SLBP: variants seen among roughly 807,000 people sequenced by gnomAD.
The protein encoded by SLBP is histone RNA hairpin-binding protein.
In SLBP, 29 loss-of-function variants were observed where a neutral mutation model predicts 39.2. The ratio of observed to expected loss-of-function variants is 0.74; its 90% CI spans 0.55 to 1.01. The LOEUF is 1.01. Among genes scored for constraint, SLBP ranks in the 50% least tolerant of loss-of-function variants. The pLI, the probability that SLBP is intolerant of heterozygous loss-of-function variation, is 0.00. For synonymous variants in SLBP, 129 were observed against 118.7 expected (o/e 1.09, Z -0.57); for missense variants, 390 against 350.2 (o/e 1.11, Z -0.91).
Position 1,697,240 on chromosome 4 carries a change from G to A in SLBP, c.480-889C>T, listed in dbSNP as rs544579272. Among the ~76,000 whole-genome samples, 4 of 150,048 alleles carry A rather than the reference G, an allele frequency of 2.7e-5. No individual in the cohort carries two copies. The East Asian group carries it at 5.9e-4, about 22-fold the overall frequency. ...CCCAGCACTTTGGGAGGCTGAGGCA[G>A]GCAGATCACCTGAGATCAGAAGTTC... is the stretch of plus-strand genomic sequence containing the variant. On this transcript the variant is annotated intron_variant, in intron 5 of 7. Transcript: ENST00000489418.
At chr4:1,710,409 T>C (rs751546314) in intron 2 of SLBP, among the ~76,000 whole-genome samples, 3 of 152,210 alleles carry the variant, frequency 2.0e-5, no homozygotes, top group Non-Finnish European at 4.4e-5. Flanking sequence ...CTTGAGTCAT[T>C]CTTGATGCCT....
At chr4:1,698,685 C>T (rs1401834772) in intron 5 of SLBP, among the ~76,000 whole-genome samples, 6 of 151,838 alleles carry the variant, frequency 4.0e-5, no homozygotes, top group African/African-American at 1.5e-4. Flanking sequence ...GGGGTTCCAC[C>T]GTGTTAGCCA....
intron 2 of SLBP, among the ~76,000 whole-genome samples, chr4:1,709,055 C>A (rs920061440): frequency 6.6e-6 from 1 of 151,394 alleles, no homozygotes; most frequent in African/African-American, 2.4e-5. Context: ...ACCCGTAGAC[C>A]CAAGTCTTTT....
Position 1,696,351 on chromosome 4 carries a change from T to G in SLBP, c.480A>C (p.Arg160Ser). 6.4e-7 allele frequency: 1 copy of G among 1,566,732 alleles called. No homozygotes were observed. Among genetic ancestry groups the G allele is most frequent in the Non-Finnish European group, 8.6e-7 (1 of 1,157,444 alleles). The change falls in exon 6 of 8, where the codon AGA (arginine) becomes AGC (serine). Residue 160 changes from arginine (R) to serine (S), a missense_variant and splice_region_variant. Transcript: ENST00000489418. ...AYDRYIKEVP[R>S]HLRQPGIHPK... Reference sequence around the variant, plus strand: ...GATGAATGCCAGGTTGTCGAAGGTGTCTACAGGAGAAAGATTATTCTAGCA... The same window carrying G: ...GATGAATGCCAGGTTGTCGAAGGTGGCTACAGGAGAAAGATTATTCTAGCA...
At chr4:1,697,633 G>A (rs566951564) in intron 5 of SLBP, among the ~76,000 whole-genome samples, 1 of 151,968 alleles carries the variant, frequency 6.6e-6, no homozygotes, top group Admixed American at 6.6e-5. Context: ...CCAAAGTCAG[G>A]AGTTCGAGAC....
chr4:1,707,940 G>A (rs769683117), intron 2 of SLBP, among the ~76,000 whole-genome samples: 1 of 152,098 alleles, frequency 6.6e-6, no homozygotes. Context: ...TTAGCCAGGC[G>A]TGGTGGTGCG....
chr4:1,704,422 TATTTA>T (rs1231925458), intron 2 of SLBP, among the ~76,000 whole-genome samples: 6 of 152,348 alleles, frequency 3.9e-5, no homozygotes, highest in South Asian at 2.1e-4. Context: ...TCCCATCTTG[TATTTA>T]ATTTGTCTCT....
At chr4:1,711,741 C>T (rs947400096) in intron 2 of SLBP, 133 bp downstream of exon 2, 5 of 435,302 alleles carry the variant, frequency 1.1e-5, no homozygotes, top group East Asian at 1.1e-4. Flanking sequence ...ACGGGCCGCG[C>T]GGAGACCAAG....
intron 6 of SLBP, among the ~76,000 whole-genome samples, chr4:1,695,343 G>C (rs1288595664): frequency 6.6e-6 from 1 of 152,188 alleles, no homozygotes. Flanking sequence ...TTTAAAGAAT[G>C]TGTCTGAGGA....
intron 7 of SLBP, among the ~76,000 whole-genome samples, chr4:1,694,055 G>A (rs1716015564): frequency 6.6e-6 from 1 of 152,200 alleles, no homozygotes; most frequent in African/African-American, 2.4e-5. Flanking sequence ...CAGGACAGGA[G>A]ACAGTATTTA....
rs1716176616 is a variant in SLBP, at chr4:1,697,949, G to C, written c.480-1598C>G. ...AAGACCAGCCTGGGCGACATAGGGA[G>C]ACTCCCATCTCTATAAAAATTTAAA... On this transcript the variant is annotated intron_variant, in intron 5 of 7. Coordinates refer to ENST00000489418, the MANE Select transcript of SLBP (RefSeq NM_006527.4). Among the ~76,000 whole-genome samples, 3 of 152,066 alleles carry C rather than the reference G, an allele frequency of 2.0e-5. No homozygotes were observed. In the South Asian group the frequency reaches 6.2e-4, roughly 32 times the overall value.
At chr4:1,700,444 T>C (rs74391951) in intron 3 of SLBP, among the ~76,000 whole-genome samples, 1 of 152,024 alleles carries the variant, frequency 6.6e-6, no homozygotes, top group East Asian at 1.9e-4. Context: ...ATCTGCTTTC[T>C]ATTGCAGTCA....
chr4:1,710,724 A>G (rs1324207768), intron 2 of SLBP, among the ~76,000 whole-genome samples: 5 of 151,990 alleles, frequency 3.3e-5, no homozygotes, highest in African/African-American at 1.2e-4. Flanking sequence ...TTAATCTTGT[A>G]TCTGTAGGTA....
chr4:1,697,973 A>G (rs1716177929), intron 5 of SLBP, among the ~76,000 whole-genome samples: 1 of 151,868 alleles, frequency 6.6e-6, no homozygotes, highest in Non-Finnish European at 1.5e-5. Context: ...TAAAAATTTA[A>G]AAGTTTAGCC....
Position 1,710,605 on chromosome 4 carries a change from C to G in SLBP, c.176+1269G>C, listed in dbSNP as rs553125061. Among the ~76,000 whole-genome samples, 4 of 152,204 alleles carry G rather than the reference C, an allele frequency of 2.6e-5. No individual in the cohort carries two copies. In the East Asian group the frequency reaches 7.7e-4, roughly 29 times the overall value. ...GAAAAGTAGGTTGAAGGAGAAAGAT[C>G]TACATGTTCCAAGAGAAAAGGAGCA... On this transcript the variant is annotated intron_variant, in intron 2 of 7. Transcript: ENST00000489418.
At chr4:1,699,266 A>G (rs1716236246) in intron 5 of SLBP, among the ~76,000 whole-genome samples, 1 of 151,960 alleles carries the variant, frequency 6.6e-6, no homozygotes, top group African/African-American at 2.4e-5. Context: ...CTTGAACTTC[A>G]TTTTTCCCCA....
At chr4:1,703,524 G>T in intron 3 of SLBP, 72 bp downstream of exon 3, 1 of 977,872 alleles carries the variant, frequency 1.0e-6, no homozygotes, top group Non-Finnish European at 1.7e-6. Flanking sequence ...ACTGTTCTAA[G>T]ACAAATATCA....
chr4:1,694,910 C>T (rs941621578), intron 6 of SLBP, 70 bp from the exon 7 acceptor site: 1 of 1,035,296 alleles, frequency 9.7e-7, no homozygotes, highest in Non-Finnish European at 1.5e-6. Context: ...GCGCTACAGA[C>T]AAACCCCATC....
Position 1,712,239 on chromosome 4 carries a change from G to T in SLBP, c.-51C>A. 8.6e-7 allele frequency: 1 copy of T among 1,161,260 alleles called. No homozygotes were observed. The highest frequency in any genetic ancestry group is 1.1e-6 in the Non-Finnish European group (1 of 906,508). The allele number at this position is 1,161,260 out of a possible 1,614,324, so 71.9% of individuals were successfully genotyped here. On this transcript the variant is annotated 5_prime_UTR_variant, in exon 1 of 8. Transcript: ENST00000489418. ...CAGGGCCGAGGCTGAGGCGGCGGCGGCGCGGGCAGAGAGCGCAGAGTAGAG... is the reference window on the plus strand; with the variant it reads ...CAGGGCCGAGGCTGAGGCGGCGGCGTCGCGGGCAGAGAGCGCAGAGTAGAG...
Sources: allele counts gnomAD v4.1 joint callset (sites outside exome capture counted in the v4.1 genomes callset), GRCh38; gene constraint gnomAD v4.1.1; transcripts MANE v1.5; gene names NCBI Gene and HGNC (gene_info 2026-07-23, HGNC 2026-07-21).